Variants in TRIM37 observed in about 807,000 individuals in gnomAD.
The protein encoded by TRIM37 is tripartite motif containing 37.
TRIM37 carries 80 observed loss-of-function variants against 129.8 expected under a neutral mutation model. That is an observed-to-expected ratio of 0.62 (90% CI 0.51 to 0.74). TRIM37 has a LOEUF of 0.74. Ranked by LOEUF, TRIM37 falls within the 30% of genes least tolerant of loss-of-function variation. TRIM37 has a pLI of 0.00. For synonymous variants in TRIM37, 389 were observed against 387.1 expected, an observed-to-expected ratio of 1.00 and a Z score of -0.06; for missense variants, 1,054 against 1,176.5, an observed-to-expected ratio of 0.90 and a Z score of 1.52.
chr17:59,033,455 GAC>G lies in TRIM37; in HGVS notation c.1754-1367_1754-1366del, dbSNP rs2038107009. Among the ~76,000 whole-genome samples the G allele has an allele frequency of 2.6e-5, 4 of 152,098 alleles. No homozygotes were observed. In the South Asian group the frequency reaches 6.2e-4, roughly 24 times the overall value. On this transcript the variant is annotated intron_variant, in intron 17 of 23. Transcript: ENST00000262294. ...AAAACTGTTCTTTGTTGTGTTTTGA[GAC>G]ACAGTCTCACTGTTGCCCAGGCTGG...
rs1265125205 is a variant in TRIM37, at chr17:59,099,564, A to G, written c.123+4729T>C. Among the ~76,000 whole-genome samples the G allele has an allele frequency of 3.3e-5, 5 of 152,204 alleles. No homozygotes were observed. The East Asian group carries it at 9.7e-4, about 29-fold the overall frequency. On this transcript the variant is annotated intron_variant, in intron 2 of 23. Coordinates refer to ENST00000262294, the MANE Select transcript of TRIM37 (RefSeq NM_015294.6). ...TTTATTTTAGCACAAAATGGGGGGC[A>G]CTGAACAGACCCCTTACCAAAGACA...
At chr17:59,059,927 G>A (rs146420625) in intron 12 of TRIM37, among the ~76,000 whole-genome samples, 1 of 152,286 alleles carries the variant, frequency 6.6e-6, no homozygotes, top group Non-Finnish European at 1.5e-5. Context: ...CTGGCCCCGT[G>A]TGAACACCAG....
intron 23 of TRIM37, 24 bp downstream of exon 23, chr17:59,001,574 G>A (rs2033772292): frequency 1.2e-6 from 2 of 1,613,708 alleles, no homozygotes; most frequent in East Asian, 4.5e-5. Context: ...AGTAATCTGT[G>A]TAAAATGACA....
At chr17:59,064,267 C>T in intron 10 of TRIM37, 88 bp downstream of exon 10, 2 of 968,736 alleles carry the variant, frequency 2.1e-6, no homozygotes, top group Non-Finnish European at 3.2e-6. Flanking sequence ...TGACACAGTT[C>T]ACTAGATTAC....
At chr17:59,051,762 G>A (rs906326349) in intron 13 of TRIM37, among the ~76,000 whole-genome samples, 5 of 149,858 alleles carry the variant, frequency 3.3e-5, no homozygotes, top group African/African-American at 1.2e-4. Context: ...ACGGAGTCTC[G>A]CTCTGTCGCC....
At chr17:59,005,860 G>T (rs984560495) in intron 22 of TRIM37, among the ~76,000 whole-genome samples, 1 of 152,120 alleles carries the variant, frequency 6.6e-6, no homozygotes, top group Non-Finnish European at 1.5e-5. Context: ...GCAGCAGACA[G>T]GGCCATGAAC....
At chr17:59,012,780 G>A (rs1473227002) in intron 21 of TRIM37, among the ~76,000 whole-genome samples, 1 of 151,984 alleles carries the variant, frequency 6.6e-6, no homozygotes, top group African/African-American at 2.4e-5. Context: ...GGGAGGCTGA[G>A]GCAGAGAATT....
intron 22 of TRIM37, among the ~76,000 whole-genome samples, chr17:59,001,956 C>T (rs1217000584): frequency 1.3e-5 from 2 of 152,040 alleles, no homozygotes; most frequent in African/African-American, 4.8e-5. Flanking sequence ...TTCCATAGTA[C>T]CTGAAAGTTA....
chr17:59,091,574 T>TATATAATGTATA lies in TRIM37; in HGVS notation c.124-235_124-234insTATACATTATAT, dbSNP rs1555695393. 1.3e-3 allele frequency among the ~76,000 whole-genome samples: 26 copies of TATATAATGTATA among 20,796 alleles called. 1 individual carries two copies. Among genetic ancestry groups the TATATAATGTATA allele is most frequent in the African/African-American group, 4.2e-3 (12 of 2,824 alleles). 13.6% of individuals were successfully genotyped at this position (20,796 alleles called of 152,430 possible). A position where few individuals can be genotyped will look rare whatever the true frequency, so the allele number is the denominator to read the frequency against. On this transcript the variant is annotated intron_variant, in intron 2 of 23. Coordinates refer to ENST00000262294, the MANE Select transcript of TRIM37 (RefSeq NM_015294.6). ...TATTATACATTATATATATAATATA[T>TATATAATGTATA]ATAATGTATAATATATTATACATTA...
chr17:59,060,799 GTCT>G (rs2041416102), intron 12 of TRIM37, among the ~76,000 whole-genome samples: 1 of 152,150 alleles, frequency 6.6e-6, no homozygotes, highest in South Asian at 2.1e-4. Context: ...GAATCCAGTA[GTCT>G]TCTTCTAAGC....
chr17:59,008,323 C>T (rs1215370849), intron 22 of TRIM37, among the ~76,000 whole-genome samples: 1 of 152,158 alleles, frequency 6.6e-6, no homozygotes, highest in Non-Finnish European at 1.5e-5. Context: ...TAGCACAACA[C>T]CCCACATATA....
chr17:59,042,447 AAAATAT>A lies in TRIM37; in HGVS notation c.1668-555_1668-550del, dbSNP rs1205122602. ...AAAGGAATTTAAAAAAAAAAAAAAA[AAAATAT>A]ATATATATATATATATATATATCTC... On this transcript the variant is annotated intron_variant, in intron 16 of 23. Coordinates refer to ENST00000262294, the MANE Select transcript of TRIM37 (RefSeq NM_015294.6). 3.3e-4 allele frequency among the ~76,000 whole-genome samples: 13 copies of A among 38,968 alleles called. No individual in the cohort carries two copies. In the East Asian group the frequency reaches 7.0e-3, roughly 21 times the overall value. 25.6% of individuals were successfully genotyped at this position (38,968 alleles called of 152,430 possible). A position where few individuals can be genotyped will look rare whatever the true frequency, so the allele number is the denominator to read the frequency against.
At chr17:59,094,494 CA>C (rs2044677120) in intron 2 of TRIM37, among the ~76,000 whole-genome samples, 2 of 152,054 alleles carry the variant, frequency 1.3e-5, no homozygotes, top group Admixed American at 1.3e-4. Context: ...TGACATTGGA[CA>C]AGTGACTGAG....
At chr17:59,040,771 G>T (rs932913113) in intron 17 of TRIM37, among the ~76,000 whole-genome samples, 1 of 152,112 alleles carries the variant, frequency 6.6e-6, no homozygotes, top group African/African-American at 2.4e-5. Flanking sequence ...GCCAGGCCGG[G>T]CGCGGTGGCT....
chr17:59,042,456 A>ATATATATATATC (rs2039350085), intron 16 of TRIM37, among the ~76,000 whole-genome samples: 1 of 66,260 alleles, frequency 1.5e-5, no homozygotes, highest in Non-Finnish European at 3.4e-5. Context: ...AAAAATATAT[A>ATATATATATATC]TATATATATA....
chr17:58,970,249 G>C, the TRIM37 span, among the ~76,000 whole-genome samples: 2 of 152,162 alleles, frequency 1.3e-5, no homozygotes, highest in Non-Finnish European at 2.9e-5. Context: ...TTAATAGGGA[G>C]AAAAGAAGAG....
chr17:59,081,901 C>T (rs1353604230), intron 5 of TRIM37, among the ~76,000 whole-genome samples: 2 of 125,572 alleles, frequency 1.6e-5, no homozygotes, highest in Non-Finnish European at 3.3e-5. Context: ...AGACTCTGTC[C>T]CCCCCAAAAA....
the TRIM37 span, chr17:58,972,924 T>G: frequency 6.2e-7 from 1 of 1,611,726 alleles, no homozygotes; most frequent in East Asian, 2.2e-5. Flanking sequence ...CCAGAGCTAT[T>G]GGTAGGAAAA....
chr17:59,101,664 AAAAAAAAAAAAAAAT>A (rs1480479834), intron 2 of TRIM37, among the ~76,000 whole-genome samples: 24 of 83,152 alleles, frequency 2.9e-4, no homozygotes, highest in African/African-American at 1.3e-3. Flanking sequence ...ACAAAAAAAA[AAAAAAAAAAAAAAAT>A]ATATATATAT....
Sources: gnomAD v4.1 joint callset for allele counts (sites outside exome capture counted in the v4.1 genomes callset) on GRCh38, gnomAD v4.1.1 for gene constraint, MANE v1.5 for transcripts, NCBI Gene and HGNC (gene_info 2026-07-23, HGNC 2026-07-21) for gene names.